The following CNDP2 variants were observed in gnomAD, a reference collection of about 807,000 sequenced individuals.
CNDP2 encodes the protein cytosolic non-specific dipeptidase.
CNDP2 carries 38 observed loss-of-function variants against 55.0 expected under a neutral mutation model. That is an observed-to-expected ratio of 0.69 (90% confidence interval 0.53 to 0.90). The LOEUF (loss-of-function observed/expected upper bound fraction) is 0.90, where lower values mean the gene tolerates loss of function less well. Ranked by LOEUF, CNDP2 falls within the 40% of genes least tolerant of loss-of-function variation. CNDP2 has a pLI of 0.00. For missense variants in CNDP2, 607 were observed against 621.7 expected, an observed-to-expected ratio of 0.98 and a Z score of 0.25; for synonymous variants, 241 against 260.2, an observed-to-expected ratio of 0.93 and a Z score of 0.71.
intron 7 of CNDP2, 66 bp downstream of exon 7, chr18:74,512,598 C>A: frequency 7.2e-7 from 1 of 1,382,260 alleles, no homozygotes; most frequent in South Asian, 1.2e-5. Context: ...TCCAGGCTGT[C>A]TGTCATCAGC....
In CNDP2 at chr18:74,523,264, T is replaced by C. The variant is rs992647884; in HGVS notation, c.*3196T>C. On this transcript the variant is annotated 3_prime_UTR_variant, in exon 12 of 12. Coordinates refer to ENST00000324262, the MANE Select transcript of CNDP2 (RefSeq NM_018235.3). ...AATGGGTCTGACTAACGGCTGGTTC[T>C]GTGAACTTGAGCCTCAGCGTCCTGT... 3.3e-5 allele frequency: 5 copies of C among 152,240 alleles called. No individual in the cohort carries two copies. The highest frequency in any genetic ancestry group is 5.9e-5 in the Non-Finnish European group (4 of 68,048). 9.4% of individuals were successfully genotyped at this position (152,240 alleles called of 1,614,324 possible). A position where few individuals can be genotyped will look rare whatever the true frequency, so the allele number is the denominator to read the frequency against.
At chr18:74,519,349 T>C (rs565050378) in intron 11 of CNDP2, among the ~76,000 whole-genome samples, 13 of 152,318 alleles carry the variant, frequency 8.5e-5, no homozygotes, top group African/African-American at 2.4e-4. Flanking sequence ...TCCATTTCCT[T>C]TTTTTCCTGT....
intron 6 of CNDP2, chr18:74,512,151 T>C (rs1979389335): frequency 3.1e-6 from 1 of 318,486 alleles, no homozygotes; most frequent in Admixed American, 4.7e-5. Flanking sequence ...GCAGGGTCTT[T>C]GTTAAACTTC....
chr18:74,503,072 C>CA (rs1978799530), intron 3 of CNDP2, among the ~76,000 whole-genome samples: 1 of 27,332 alleles, frequency 3.7e-5, no homozygotes, highest in Non-Finnish European at 5.5e-5. Context: ...TGCTCCCTTT[C>CA]GTTTTTTTTT....
At chr18:74,496,874 C>T (rs1599056127) in intron 1 of CNDP2, among the ~76,000 whole-genome samples, 1 of 152,142 alleles carries the variant, frequency 6.6e-6, no homozygotes, top group South Asian at 2.1e-4. Context: ...ATCCCTTTCC[C>T]GGAGACCTGG....
chr18:74,506,739 C>A (rs959242646), intron 4 of CNDP2, among the ~76,000 whole-genome samples: 2 of 152,228 alleles, frequency 1.3e-5, no homozygotes, highest in African/African-American at 2.4e-5. Context: ...TGTTATTCAC[C>A]AAGTGCTTCC....
chr18:74,519,019 C>A lies in CNDP2; in HGVS notation c.1281C>A (p.Ala427=). 6.2e-7 allele frequency: 1 copy of A among 1,614,092 alleles called. No homozygotes were observed. Among genetic ancestry groups the A allele is most frequent in the Admixed American group, 1.7e-5 (1 of 60,018 alleles). Residue 427 remains alanine (A), a synonymous_variant, in exon 11 of 12, where the codon GCC becomes GCA. Coordinates refer to ENST00000324262, the MANE Select transcript of CNDP2 (RefSeq NM_018235.3). ...SIPVTLTFQE[A]TGKNVMLLPV... ...CCGTGACCTTGACCTTTCAGGAGGC[C>A]ACGGGCAAGAACGTCATGCTGCTGC...
chr18:74,511,186 A>ACAGCAACACTT lies in CNDP2; in HGVS notation c.657+175_657+185dup, dbSNP rs1599067233. ...AAACCACCGTCCTACACCAGGGTGG[A>ACAGCAACACTT]CAGCAACACTTCCAGTGATCAGAAG... On this transcript the variant is annotated intron_variant, in intron 6 of 11. Coordinates refer to ENST00000324262, the MANE Select transcript of CNDP2 (RefSeq NM_018235.3). 94 of 602,524 alleles carry ACAGCAACACTT rather than the reference A, an allele frequency of 1.6e-4. 1 individual carries two copies. The East Asian group carries it at 2.6e-3, about 16-fold the overall frequency. 37.3% of individuals were successfully genotyped at this position (602,524 alleles called of 1,614,324 possible).
chr18:74,514,224 A>G (rs1568281720), intron 8 of CNDP2, among the ~76,000 whole-genome samples: 1 of 152,092 alleles, frequency 6.6e-6, no homozygotes, highest in Non-Finnish European at 1.5e-5. Context: ...TGTGGTACAG[A>G]TGTGAGTTCT....
intron 4 of CNDP2, 173 bp from the exon 5 acceptor site, chr18:74,508,667 A>C: frequency 3.4e-6 from 2 of 586,782 alleles, no homozygotes. Context: ...ATGATGCCAA[A>C]TTCTCTGACA....
At chr18:74,500,838 C>T (rs187169939) in intron 2 of CNDP2, among the ~76,000 whole-genome samples, 129 of 152,300 alleles carry the variant, frequency 8.5e-4, no homozygotes, top group Non-Finnish European at 1.2e-3. Context: ...ATGAAAGGGT[C>T]GTGATTGATT....
intron 5 of CNDP2, 78 bp from the exon 6 acceptor site, chr18:74,510,735 A>G (rs1435929791): frequency 2.4e-6 from 3 of 1,255,160 alleles, no homozygotes; most frequent in Admixed American, 3.7e-5. Flanking sequence ...GAGATGTGAA[A>G]TATGTAATCC....
intron 3 of CNDP2, among the ~76,000 whole-genome samples, 171 bp downstream of exon 3, chr18:74,501,643 G>C (rs561510046): frequency 5.3e-5 from 8 of 152,284 alleles, no homozygotes; most frequent in African/African-American, 1.9e-4. Flanking sequence ...GACTGCTTCA[G>C]TTGGATTGGG....
intron 1 of CNDP2, among the ~76,000 whole-genome samples, chr18:74,496,952 G>A (rs1978449130): frequency 6.6e-6 from 1 of 152,192 alleles, no homozygotes; most frequent in African/African-American, 2.4e-5. Flanking sequence ...CCTAGCTCCC[G>A]CCAGCATTTG....
intron 4 of CNDP2, 76 bp downstream of exon 4, chr18:74,506,087 G>A: frequency 1.4e-6 from 2 of 1,380,402 alleles, no homozygotes; most frequent in South Asian, 1.6e-5. Context: ...CCGTTTTTCT[G>A]TTTCCAGTAC....
At chr18:74,513,523 C>A in intron 7 of CNDP2, 36 bp from the exon 8 acceptor site, 1 of 1,588,318 alleles carries the variant, frequency 6.3e-7, no homozygotes, top group Non-Finnish European at 8.6e-7. Context: ...GGTGCGGCCT[C>A]CCCTGAGTGC....
At chr18:74,503,074 T>TTTTG (rs35221592) in intron 3 of CNDP2, among the ~76,000 whole-genome samples, 49 of 672 alleles carry the variant, frequency 0.073, no homozygotes, top group African/African-American at 0.12. Context: ...CTCCCTTTCG[T>TTTTG]TTTTTTTTTT....
In CNDP2 at chr18:74,501,323, A is replaced by C. The variant is rs1331722952; in HGVS notation, c.61-6A>C. 12 of 1,611,692 alleles carry C rather than the reference A, an allele frequency of 7.4e-6. No individual in the cohort carries two copies. In the Admixed American group the frequency reaches 1.2e-4, roughly 16 times the overall value. On this transcript the variant is annotated splice_polypyrimidine_tract_variant and splice_region_variant and intron_variant, in intron 2 of 11. Coordinates refer to ENST00000324262, the MANE Select transcript of CNDP2 (RefSeq NM_018235.3). ...GAATCCCTCGTTGCTTCTTGTCCACAAACAGAAACTCGCAAAATGGGTGGC... is the reference window on the plus strand; with the variant it reads ...GAATCCCTCGTTGCTTCTTGTCCACCAACAGAAACTCGCAAAATGGGTGGC...
At chr18:74,514,848 G>A (rs1979580040) in intron 8 of CNDP2, among the ~76,000 whole-genome samples, 1 of 152,236 alleles carries the variant, frequency 6.6e-6, no homozygotes, top group Admixed American at 6.5e-5. Context: ...GGGACACAAG[G>A]GAAATAAGGC....
Sources: gnomAD v4.1 joint callset for allele counts (sites outside exome capture counted in the v4.1 genomes callset) on GRCh38, gnomAD v4.1.1 for gene constraint, MANE v1.5 for transcripts, NCBI Gene and HGNC (gene_info 2026-07-23, HGNC 2026-07-21) for gene names.